Variants in NEXN observed in about 807,000 individuals in gnomAD.
NEXN encodes nexilin F-actin binding protein.
A neutral mutation model predicts 92.6 loss-of-function variants in NEXN; 65 were observed. The observed-to-expected ratio is 0.70, with a 90% CI of 0.57 to 0.86. NEXN has a LOEUF of 0.86. Among genes scored for constraint, NEXN ranks in the 40% least tolerant of loss-of-function variants. The pLI is 0.00. For synonymous variants in NEXN, 254 were observed against 242.5 expected, an observed-to-expected ratio of 1.05 and a Z score of -0.44; for missense variants, 778 against 771.1, an observed-to-expected ratio of 1.01 and a Z score of -0.11.
intron 3 of NEXN, 38 bp downstream of exon 3, chr1:77,917,795 T>C: frequency 6.5e-7 from 1 of 1,532,380 alleles, no homozygotes; most frequent in Non-Finnish European, 9.0e-7. Context: ...AAAATATTTG[T>C]TTGCATTTTT....
intron 9 of NEXN, among the ~76,000 whole-genome samples, chr1:77,931,154 G>A (rs1374518550): frequency 6.7e-6 from 1 of 150,282 alleles, no homozygotes; most frequent in Non-Finnish European, 1.5e-5. Flanking sequence ...TTGGGAGGCC[G>A]AGGCGGGCGG....
chr1:77,908,236 C>T (rs562738191), intron 1 of NEXN, among the ~76,000 whole-genome samples: 1 of 152,120 alleles, frequency 6.6e-6, no homozygotes, highest in South Asian at 2.1e-4. Context: ...TGCTATGACA[C>T]TTGCAAATTT....
chr1:77,933,548 T>C, intron 10 of NEXN, 69 bp downstream of exon 10: 2 of 1,124,168 alleles, frequency 1.8e-6, no homozygotes, highest in Non-Finnish European at 2.6e-6. Flanking sequence ...TATCACCTTA[T>C]AATAACTTTG....
intron 8 of NEXN, among the ~76,000 whole-genome samples, chr1:77,928,405 T>G (rs1326297907): frequency 6.6e-6 from 1 of 151,932 alleles, no homozygotes; most frequent in Non-Finnish European, 1.5e-5. Flanking sequence ...TTCTAAGAAT[T>G]ATATATATAA....
At chr1:77,929,292 G>T (rs752375271) in intron 8 of NEXN, 24 bp from the exon 9 acceptor site, 1 of 1,458,458 alleles carries the variant, frequency 6.9e-7, no homozygotes, top group Non-Finnish European at 9.6e-7. Context: ...TCAATTCTTA[G>T]TAATGAATTG....
Position 77,929,479 on chromosome 1 carries a change from C to G in NEXN, c.1028C>G (p.Ala343Gly). 1 of 1,612,676 alleles carries G rather than the reference C, an allele frequency of 6.2e-7. No homozygotes were observed. The highest frequency in any genetic ancestry group is 8.5e-7 in the Non-Finnish European group (1 of 1,179,684). ...AGGAGAATAGAGGAAGAAAAGAAGG[C>G]GTTTGCTGAAGCAAGGAGAAATATG... is the stretch of plus-strand genomic sequence containing the variant. Reference protein sequence around the residue: ...ARRRIEEEKKAFAEARRNMVV... With the variant: ...ARRRIEEEKKGFAEARRNMVV... The change falls in exon 9 of 13, where the codon GCG becomes GGG. Residue 343 changes from alanine to glycine, a missense_variant. Physicochemically the swap from Ala to Gly is moderately conservative, Grantham distance 60. Transcript: ENST00000334785.
In NEXN at chr1:77,933,271, A is replaced by T; in HGVS notation, c.1054-11A>T. Reference sequence around the variant, plus strand: ...TTCTGGCCAGAGTGATAAAATAATTATTTTAAATAGGTAGTAGATGATGAC... The same window carrying T: ...TTCTGGCCAGAGTGATAAAATAATTTTTTTAAATAGGTAGTAGATGATGAC... On this transcript the variant is annotated splice_polypyrimidine_tract_variant and intron_variant, in intron 9 of 12. Transcript: ENST00000334785. The T allele has an allele frequency of 6.7e-7, 1 of 1,499,268 alleles. No individual in the cohort carries two copies. The highest frequency in any genetic ancestry group is 9.2e-7 in the Non-Finnish European group (1 of 1,081,196). 92.9% of individuals were successfully genotyped at this position (1,499,268 alleles called of 1,614,324 possible).
intron 1 of NEXN, among the ~76,000 whole-genome samples, chr1:77,890,634 A>AT (rs1252653400): frequency 6.6e-6 from 1 of 152,170 alleles, no homozygotes; most frequent in Admixed American, 6.5e-5. Context: ...CTAAATATGC[A>AT]TATTTGGAAG....
intron 2 of NEXN, among the ~76,000 whole-genome samples, chr1:77,916,649 CAT>C (rs2102088925): frequency 6.6e-6 from 1 of 152,196 alleles, no homozygotes; most frequent in East Asian, 1.9e-4. Context: ...GCCAATGACA[CAT>C]AATAGATTAT....
At chr1:77,932,542 G>C (rs1451798441) in intron 9 of NEXN, among the ~76,000 whole-genome samples, 1 of 152,170 alleles carries the variant, frequency 6.6e-6, no homozygotes, top group Non-Finnish European at 1.5e-5. Flanking sequence ...AAGAGATCAT[G>C]ATGGGTTATC....
intron 9 of NEXN, 144 bp downstream of exon 9, chr1:77,929,648 A>G: frequency 9.3e-7 from 1 of 1,078,308 alleles, no homozygotes; most frequent in Non-Finnish European, 1.4e-6. Context: ...AAAGTCTCCC[A>G]TGGAATAACA....
Position 77,917,609 on chromosome 1 carries a change from C to G in NEXN, c.71C>G (p.Pro24Arg). ...SSKPVPKTYVPKLGKGDVKDK... is the reference protein window; with the variant it reads ...SSKPVPKTYVRKLGKGDVKDK... ...AAACCTGTCCCAAAAACCTATGTAC[C>G]AAAACTTGGCAAGGGTGATGTAAAG... Residue 24 changes from proline (P) to arginine (R), a missense_variant, in exon 3 of 13, where the codon CCA becomes CGA. Around this residue, in one of 3 missense-constraint regions of NEXN, gnomAD observed 236 missense variants for 265.6 expected, o/e 0.89. Transcript: ENST00000334785. 2 of 1,613,124 alleles carry G rather than the reference C, an allele frequency of 1.2e-6. No homozygotes were observed. Among genetic ancestry groups the G allele is most frequent in the Non-Finnish European group, 1.7e-6 (2 of 1,179,614 alleles).
rs149591526 is a variant in NEXN at position 77,893,526 on chromosome 1, C to T, written c.-53+4767C>T. On this transcript the variant is annotated intron_variant, in intron 1 of 12. Transcript: ENST00000334785. ...TAGTGCATCTAGATCATCAGTCTTC[C>T]TTTTGTAGATAAGAATCATGTGTCT... is the stretch of plus-strand genomic sequence containing the variant. Among the ~76,000 whole-genome samples, 123 of 152,124 alleles carry T rather than the reference C, an allele frequency of 8.1e-4. 1 individual carries two copies. In the East Asian group the frequency reaches 0.019, roughly 23 times the overall value.
At chr1:77,919,197 G>A (rs1649224366) in intron 5 of NEXN, among the ~76,000 whole-genome samples, 1 of 152,092 alleles carries the variant, frequency 6.6e-6, no homozygotes, top group Admixed American at 6.5e-5. Flanking sequence ...AGAACAGGAT[G>A]GGGGAAACCA....
intron 11 of NEXN, among the ~76,000 whole-genome samples, chr1:77,939,973 T>G (rs1177691226): frequency 6.6e-6 from 1 of 151,852 alleles, no homozygotes; most frequent in African/African-American, 2.4e-5. Context: ...ACACAGGAGG[T>G]TGAGGCAGGA....
In NEXN at chr1:77,942,198, C is replaced by A; in HGVS notation, c.1649C>A (p.Ala550Glu). 1.2e-6 allele frequency: 2 copies of A among 1,613,582 alleles called. No homozygotes were observed. Among genetic ancestry groups the A allele is most frequent in the Non-Finnish European group, 1.7e-6 (2 of 1,179,608 alleles). ...TTTGAACAAAGGGAAATTGATGCAGCACTACAAAAGGTACCAGGCTTATGT... is the reference window on the plus strand; with the variant it reads ...TTTGAACAAAGGGAAATTGATGCAGAACTACAAAAGGTACCAGGCTTATGT... ...MQFEQREIDA[A>E]LQKKREEEEE... Residue 550 changes from alanine (A) to glutamate (E), a missense_variant, in exon 12 of 13, where the codon GCA (alanine) becomes GAA (glutamate). Around this residue, in one of 3 missense-constraint regions of NEXN, gnomAD observed 532 missense variants for 476.7 expected, o/e 1.12. Transcript: ENST00000334785.
chr1:77,937,319 T>C (rs1454961718), intron 11 of NEXN, among the ~76,000 whole-genome samples: 2 of 151,442 alleles, frequency 1.3e-5, no homozygotes, highest in African/African-American at 2.4e-5. Flanking sequence ...CAATAAAGCA[T>C]GGATATTGTC....
intron 1 of NEXN, among the ~76,000 whole-genome samples, chr1:77,912,715 A>C (rs1255963174): frequency 6.6e-6 from 1 of 152,244 alleles, no homozygotes; most frequent in Non-Finnish European, 1.5e-5. Flanking sequence ...TATTTTCAAC[A>C]AATGGTGCTG....
chr1:77,942,989 C>A lies in NEXN; in HGVS notation c.*160C>A. ...ACATCCATCTTTTCTGTGGCGGGGC[C>A]AAAAAAGGAAACCAGGAGTGCCACT... On this transcript the variant is annotated 3_prime_UTR_variant, in exon 13 of 13. Coordinates refer to ENST00000334785, the MANE Select transcript of NEXN (RefSeq NM_144573.4). The A allele has an allele frequency of 1.0e-6, 1 of 1,001,044 alleles. No individual in the cohort carries two copies. Among genetic ancestry groups the A allele is most frequent in the Non-Finnish European group, 1.5e-6 (1 of 663,196 alleles). 62.0% of individuals were successfully genotyped at this position (1,001,044 alleles called of 1,614,324 possible). A position where few individuals can be genotyped will look rare whatever the true frequency, so the allele number is the denominator to read the frequency against.
Sources: gnomAD v4.1 joint callset for allele counts (sites outside exome capture counted in the v4.1 genomes callset) on GRCh38, gnomAD v4.1.1 for gene constraint, gnomAD v4.1.1 regional missense constraint, MANE v1.5 for transcripts, NCBI Gene and HGNC (gene_info 2026-07-23, HGNC 2026-07-21) for gene names.